Variants in CLU observed in about 807,000 individuals in gnomAD.
The protein encoded by CLU is clusterin, also known as aging-associated protein 4.
CLU carries 25 observed loss-of-function variants against 46.4 expected under a neutral mutation model. That is an observed-to-expected ratio of 0.54 (90% CI 0.39 to 0.75). The LOEUF is 0.75. CLU is among the 30% of genes least tolerant of loss of function. The probability of loss-of-function intolerance (pLI) is 0.00; values close to 1 mark genes in which losing one functional copy is unlikely to be tolerated. For synonymous variants in CLU, 235 were observed against 235.1 expected (o/e 1.00, Z 0.00); for missense variants, 504 against 592.1 (o/e 0.85, Z 1.54).
In CLU at chr8:27,605,431, A is replaced by G. The variant is rs1800805283; in HGVS notation, c.418-96T>C. 7 of 1,325,008 alleles carry G rather than the reference A, an allele frequency of 5.3e-6. No homozygotes were observed. In the Admixed American group the frequency reaches 1.3e-4, roughly 24 times the overall value. 82.1% of individuals were successfully genotyped at this position (1,325,008 alleles called of 1,614,324 possible). A position where few individuals can be genotyped will look rare whatever the true frequency, so the allele number is the denominator to read the frequency against. On this transcript the variant is annotated intron_variant, in intron 4 of 8. Coordinates refer to ENST00000316403, the MANE Select transcript of CLU (RefSeq NM_001831.4). ...TGGTGAGCCAGGCCAGGCCCTGCCC[A>G]TGGCTGTAACAGTCACACAGCAAGT...
chr8:27,614,593 C>T, intron 1 of CLU, 62 bp downstream of exon 1: 2 of 463,600 alleles, frequency 4.3e-6, no homozygotes, highest in Non-Finnish European at 9.0e-6. Flanking sequence ...CTGCCATCCC[C>T]TGCCCGCCCA....
intron 6 of CLU, among the ~76,000 whole-genome samples, chr8:27,600,278 AG>A (rs1563383888): frequency 6.6e-6 from 1 of 152,162 alleles, no homozygotes; most frequent in African/African-American, 2.4e-5. Context: ...TCTGTTGCCT[AG>A]GCTGGAATAC....
intron 2 of CLU, among the ~76,000 whole-genome samples, chr8:27,609,420 G>A (rs1389415927): frequency 6.6e-6 from 1 of 151,054 alleles, no homozygotes; most frequent in Non-Finnish European, 1.5e-5. Context: ...AGAAGTGTCA[G>A]CTTTGCAGCA....
chr8:27,605,253 C>G lies in CLU; in HGVS notation c.500G>C (p.Arg167Pro). 1 of 1,614,188 alleles carries G rather than the reference C, an allele frequency of 6.2e-7. No individual in the cohort carries two copies. The highest frequency in any genetic ancestry group is 8.5e-7 in the Non-Finnish European group (1 of 1,180,032). Residue 167 changes from arginine to proline, a missense_variant, in exon 5 of 9, where the codon CGG (arginine) becomes CCG (proline). By Grantham distance (103) the Arg-to-Pro change is moderately radical. Coordinates refer to ENST00000316403, the MANE Select transcript of CLU (RefSeq NM_001831.4). Reference sequence around the variant, plus strand: ...GACATCCAGCATGTGCGTCTGCTGCCGGTCGTTCTCCAGCAGGGAGTCGAT... The same window carrying G: ...GACATCCAGCATGTGCGTCTGCTGCGGGTCGTTCTCCAGCAGGGAGTCGAT... Reference protein sequence around the residue: ...DRIDSLLENDRQQTHMLDVMQ... With the variant: ...DRIDSLLENDPQQTHMLDVMQ...
In CLU at chr8:27,610,609, A is replaced by C. The variant is rs778224281; in HGVS notation, c.-29-9T>G. ...GGAGTCTTTGCACGCCTCTGCAGAG[A>C]ACAGGAGACCATCATGGGAACAGCT... On this transcript the variant is annotated splice_polypyrimidine_tract_variant and intron_variant, in intron 1 of 8. Transcript: ENST00000316403. 1.4e-5 allele frequency: 22 copies of C among 1,597,124 alleles called. No homozygotes were observed. The East Asian group carries it at 4.5e-4, about 32-fold the overall frequency.
intron 3 of CLU, among the ~76,000 whole-genome samples, chr8:27,607,035 A>G (rs1316605590): frequency 6.6e-6 from 1 of 152,162 alleles, no homozygotes; most frequent in African/African-American, 2.4e-5. Context: ...TGACCCAATA[A>G]TTCTGTAAGA....
rs1348138600 is a variant in CLU at position 27,597,321 on chromosome 8, T to C, written c.*920A>G. ...CTGAGATTGGTACCACGGGTAGTCA[T>C]GGCCACCTGCTGGCAGCGTAGGGTA... On this transcript the variant is annotated 3_prime_UTR_variant, in exon 9 of 9. Coordinates refer to ENST00000316403, the MANE Select transcript of CLU (RefSeq NM_001831.4). 1.1e-5 allele frequency: 5 copies of C among 454,412 alleles called. No individual in the cohort carries two copies. Among genetic ancestry groups the C allele is most frequent in the African/African-American group, 4.0e-5 (2 of 49,998 alleles). The allele number at this position is 454,412 out of a possible 1,614,324, so 28.1% of individuals were successfully genotyped here.
In CLU at chr8:27,597,239, C is replaced by A; in HGVS notation, c.*1002G>T. The A allele has an allele frequency of 2.2e-6, 1 of 454,380 alleles. No individual in the cohort carries two copies. Among genetic ancestry groups the A allele is most frequent in the Non-Finnish European group, 4.4e-6 (1 of 226,798 alleles). The allele number at this position is 454,380 out of a possible 1,614,324, so 28.1% of individuals were successfully genotyped here. ...TGAGTTTTGTTCCATTGCAGTACAT[C>A]TGATGACCAGAATTCTATCAGAGAA... On this transcript the variant is annotated 3_prime_UTR_variant, in exon 9 of 9. Coordinates refer to ENST00000316403, the MANE Select transcript of CLU (RefSeq NM_001831.4).
At chr8:27,611,575 C>G (rs1270768046) in intron 1 of CLU, 2 of 457,638 alleles carry the variant, frequency 4.4e-6, no homozygotes, top group African/African-American at 2.0e-5. Context: ...CCATGCCCCT[C>G]CCAAGAACTG....
chr8:27,597,986 C>A lies in CLU; in HGVS notation c.*255G>T, dbSNP rs1407799483. The A allele has an allele frequency of 5.9e-6, 4 of 673,698 alleles. No homozygotes were observed. The highest frequency in any genetic ancestry group is 1.1e-5 in the Non-Finnish European group (4 of 368,988). 41.7% of individuals were successfully genotyped at this position (673,698 alleles called of 1,614,324 possible). A position where few individuals can be genotyped will look rare whatever the true frequency, so the allele number is the denominator to read the frequency against. ...AGCAACTCAACATAAAAAGAGGACC[C>A]TCCAAGCGATCAGCTCACAAGACAG... On this transcript the variant is annotated 3_prime_UTR_variant, in exon 9 of 9. Transcript: ENST00000316403.
chr8:27,599,898 T>C lies in CLU; in HGVS notation c.1046A>G (p.Gln349Arg). ...GGAGGAGGTGTTGAGCATCTTCCAC[T>C]GGTAGGACTTTAGCAGCTCGTTGTA... ...RKYNELLKSY[Q>R]WKMLNTSSLL... Residue 349 changes from glutamine (Q) to arginine (R), a missense_variant, in exon 7 of 9, where the codon CAG becomes CGG. By Grantham distance (43) the Gln-to-Arg change is conservative. Around this residue, in one of 3 missense-constraint regions of CLU, gnomAD observed 428 missense variants for 484.0 expected, o/e 0.88. Coordinates refer to ENST00000316403, the MANE Select transcript of CLU (RefSeq NM_001831.4). This position sits in a 1 kb window ranked among gnomAD's most constrained non-coding sequence, Gnocchi z 4.0. 6.2e-7 allele frequency: 1 copy of C among 1,614,184 alleles called. No homozygotes were observed. Among genetic ancestry groups the C allele is most frequent in the Non-Finnish European group, 8.5e-7 (1 of 1,180,000 alleles).
At chr8:27,601,766 T>C (rs1800725388) in intron 6 of CLU, among the ~76,000 whole-genome samples, 1 of 152,074 alleles carries the variant, frequency 6.6e-6, no homozygotes, top group South Asian at 2.1e-4. Flanking sequence ...AAAATAAATA[T>C]GTAATAAATA....
At chr8:27,613,243 C>T (rs1168693291) in intron 1 of CLU, among the ~76,000 whole-genome samples, 2 of 152,000 alleles carry the variant, frequency 1.3e-5, no homozygotes, top group African/African-American at 4.8e-5. Flanking sequence ...AAAAATTAGC[C>T]GGATGTAGCA....
chr8:27,597,018 T>C lies in CLU; in HGVS notation c.*1223A>G, dbSNP rs1479969728. ...TCTGACCCCATAATTCTAATTAATG[T>C]ATATCATTAAGTGAATCACACTGAC... is the stretch of plus-strand genomic sequence containing the variant. On this transcript the variant is annotated 3_prime_UTR_variant, in exon 9 of 9. Coordinates refer to ENST00000316403, the MANE Select transcript of CLU (RefSeq NM_001831.4). The C allele has an allele frequency of 6.6e-6, 3 of 454,180 alleles. No individual in the cohort carries two copies. The highest frequency in any genetic ancestry group is 1.3e-5 in the Non-Finnish European group (3 of 226,814). 28.1% of individuals were successfully genotyped at this position (454,180 alleles called of 1,614,324 possible). A position where few individuals can be genotyped will look rare whatever the true frequency, so the allele number is the denominator to read the frequency against.
intron 3 of CLU, among the ~76,000 whole-genome samples, chr8:27,607,933 T>G (rs1470458546): frequency 6.6e-6 from 1 of 152,190 alleles, no homozygotes; most frequent in African/African-American, 2.4e-5. Context: ...AGTAGCAGGC[T>G]CTTTTCTCCA....
intron 7 of CLU, 176 bp from the exon 8 acceptor site, chr8:27,598,811 G>A (rs1420053087): frequency 3.1e-6 from 2 of 648,774 alleles, no homozygotes; most frequent in South Asian, 3.6e-5. Context: ...TGGACAGAAC[G>A]GACCTGGTTC....
Position 27,597,178 on chromosome 8 carries a change from A to G in CLU, c.*1063T>C. 2 of 454,202 alleles carry G rather than the reference A, an allele frequency of 4.4e-6. No individual in the cohort carries two copies. Among genetic ancestry groups the G allele is most frequent in the South Asian group, 3.1e-5 (2 of 64,472 alleles). 28.1% of individuals were successfully genotyped at this position (454,202 alleles called of 1,614,324 possible). On this transcript the variant is annotated 3_prime_UTR_variant, in exon 9 of 9. Transcript: ENST00000316403. ...AGAATATTCTAAGCTATAAATTTAC[A>G]TGTGGACTTTGCTACACACCTGGGA...
At position 27,599,675 on chromosome 8, in the gene CLU, T is replaced by G; in HGVS notation, c.1164+105A>C. On this transcript the variant is annotated intron_variant, in intron 7 of 8. Transcript: ENST00000316403. The surrounding 1 kb of genome is among the most constrained non-coding windows in gnomAD (Gnocchi z 4.0). Reference sequence around the variant, plus strand: ...GGCAACAGGGGCGCCTAAAGTTTTCTATTTTCTGCCGTGTGATAAATGCTC... The same window carrying G: ...GGCAACAGGGGCGCCTAAAGTTTTCGATTTTCTGCCGTGTGATAAATGCTC... The G allele has an allele frequency of 2.3e-6, 2 of 887,954 alleles. No homozygotes were observed. The allele number at this position is 887,954 out of a possible 1,614,324, so 55.0% of individuals were successfully genotyped here.
chr8:27,608,653 T>C, intron 3 of CLU: 1 of 554,268 alleles, frequency 1.8e-6, no homozygotes, highest in Non-Finnish European at 3.2e-6. Flanking sequence ...AGAGCCTGCT[T>C]GGAACTAGCA....
Sources: allele counts gnomAD v4.1 joint callset (sites outside exome capture counted in the v4.1 genomes callset), GRCh38; gene constraint gnomAD v4.1.1; regional missense constraint gnomAD v4.1.1; non-coding constraint Gnocchi (gnomAD v3.1); transcripts MANE v1.5; gene names NCBI Gene and HGNC (gene_info 2026-07-23, HGNC 2026-07-21).